Variants in SMYD3 observed in about 807,000 individuals in gnomAD.
The protein encoded by SMYD3 is histone-lysine N-methyltransferase SMYD3.
SMYD3 carries 36 observed loss-of-function variants against 57.7 expected under a neutral mutation model. The observed-to-expected ratio is 0.62, with a 90% CI of 0.48 to 0.82. SMYD3 has a LOEUF of 0.82. Ranked by LOEUF, SMYD3 falls within the 40% of genes least tolerant of loss-of-function variation. The probability of loss-of-function intolerance (pLI) is 0.00; values close to 1 mark genes in which losing one functional copy is unlikely to be tolerated. For synonymous variants in SMYD3, 211 were observed against 195.0 expected (o/e 1.08, Z -0.68); for missense variants, 515 against 538.8 (o/e 0.96, Z 0.44).
intron 1 of SMYD3, among the ~76,000 whole-genome samples, chr1:246,393,558 G>A (rs1436063205): frequency 6.6e-6 from 1 of 150,622 alleles, no homozygotes; most frequent in Non-Finnish European, 1.5e-5. Flanking sequence ...GCTAGGCATA[G>A]AATTGCCTAG....
intron 8 of SMYD3, among the ~76,000 whole-genome samples, chr1:245,867,884 G>A (rs10924368): frequency 0.56 from 84,457 of 152,118 alleles, 26,638 homozygotes; most frequent in Non-Finnish European, 0.73. Flanking sequence ...ACGCAGAAGC[G>A]TGCCTGAATG....
chr1:246,109,656 G>C (rs892271624), intron 5 of SMYD3: 16 of 152,134 alleles, frequency 1.1e-4, no homozygotes, highest in African/African-American at 3.1e-4. Context: ...CACATATCCA[G>C]CTCTCATGGA....
intron 5 of SMYD3, among the ~76,000 whole-genome samples, chr1:246,217,808 A>G (rs2063188225): frequency 6.6e-6 from 1 of 152,196 alleles, no homozygotes; most frequent in East Asian, 1.9e-4. Context: ...TAAATCCCAC[A>G]ATGTCAAATG....
In SMYD3 at chr1:245,788,367, T is replaced by G. The variant is rs559549349; in HGVS notation, c.1077-24218A>C. Reference sequence around the variant, plus strand: ...TACTTTCTGAGCTGCTGGAATAGACTACAAGCTTTGTGGTCTGCATTCCTC... The same window carrying G: ...TACTTTCTGAGCTGCTGGAATAGACGACAAGCTTTGTGGTCTGCATTCCTC... On this transcript the variant is annotated intron_variant, in intron 10 of 11. Coordinates refer to ENST00000490107, the MANE Select transcript of SMYD3 (RefSeq NM_001167740.2). 3.3e-5 allele frequency among the ~76,000 whole-genome samples: 5 copies of G among 152,356 alleles called. No homozygotes were observed. The East Asian group carries it at 9.6e-4, about 29-fold the overall frequency.
At chr1:246,402,246 C>T (rs2102970002) in intron 1 of SMYD3, among the ~76,000 whole-genome samples, 1 of 151,878 alleles carries the variant, frequency 6.6e-6, no homozygotes, top group Non-Finnish European at 1.5e-5. Context: ...TTTCTTCATC[C>T]TGATGAACAA....
intron 5 of SMYD3, among the ~76,000 whole-genome samples, chr1:245,946,706 C>T (rs1480160914): frequency 6.6e-6 from 1 of 152,196 alleles, no homozygotes; most frequent in Non-Finnish European, 1.5e-5. Context: ...GTGTTGTACA[C>T]TAGACCCATC....
rs535512819 is a variant in SMYD3 at position 246,081,704 on chromosome 1, AT to A, written c.532-151768del. Among the ~76,000 whole-genome samples the A allele has an allele frequency of 2.0e-3, 306 of 151,916 alleles. 3 individuals are homozygous for A. Among genetic ancestry groups the A allele is most frequent in the Middle Eastern group, 0.017 (5 of 294 alleles). On this transcript the variant is annotated intron_variant, in intron 5 of 11. Transcript: ENST00000490107. ...CCACTGCACCCAGCCCCTAGCTTCT[AT>A]TTTTTTTAATTACTAGTGTACCAGC...
chr1:246,429,389 C>T (rs1352572946), intron 1 of SMYD3, among the ~76,000 whole-genome samples: 1 of 152,178 alleles, frequency 6.6e-6, no homozygotes, highest in Non-Finnish European at 1.5e-5. Flanking sequence ...CAGTATAGCA[C>T]TGCCAAGTAT....
In SMYD3 at chr1:245,832,485, GTTT is replaced by G. The variant is rs10578766; in HGVS notation, c.1076+26008_1076+26010del. 1.5e-3 allele frequency among the ~76,000 whole-genome samples: 228 copies of G among 149,038 alleles called. 2 individuals carry two copies. Among genetic ancestry groups the G allele is most frequent in the Non-Finnish European group, 2.4e-3 (164 of 67,374 alleles). On this transcript the variant is annotated intron_variant, in intron 10 of 11. Coordinates refer to ENST00000490107, the MANE Select transcript of SMYD3 (RefSeq NM_001167740.2). Reference sequence around the variant, plus strand: ...TCCTCATCGATTTAATGTTTTTTTTGTTTTTTTTTTTTTGAGAGTTGAGGAGAA... The same window carrying G: ...TCCTCATCGATTTAATGTTTTTTTTGTTTTTTTTTTGAGAGTTGAGGAGAA...
At chr1:246,152,569 T>C (rs975086761) in intron 5 of SMYD3, among the ~76,000 whole-genome samples, 1 of 152,198 alleles carries the variant, frequency 6.6e-6, no homozygotes, top group African/African-American at 2.4e-5. Flanking sequence ...TGAGTGAAGA[T>C]TTTTCTCATT....
chr1:245,894,886 A>T (rs2053658515), intron 8 of SMYD3, among the ~76,000 whole-genome samples: 1 of 152,188 alleles, frequency 6.6e-6, no homozygotes, highest in African/African-American at 2.4e-5. Flanking sequence ...TCACGACACC[A>T]CAAATTGTGG....
intron 1 of SMYD3, among the ~76,000 whole-genome samples, chr1:246,377,310 G>C (rs946991455): frequency 2.0e-5 from 3 of 151,384 alleles, no homozygotes; most frequent in African/African-American, 2.4e-5. Context: ...CTGCAATGTA[G>C]CTTCTGGAAG....
chr1:246,048,623 A>G (rs2148318192), intron 5 of SMYD3, among the ~76,000 whole-genome samples: 1 of 152,336 alleles, frequency 6.6e-6, no homozygotes, highest in South Asian at 2.1e-4. Flanking sequence ...GAAGCCCGAC[A>G]GCCCATTCCA....
At chr1:245,914,290 A>G (rs1247081179) in intron 8 of SMYD3, among the ~76,000 whole-genome samples, 1 of 152,266 alleles carries the variant, frequency 6.6e-6, no homozygotes, top group Admixed American at 6.5e-5. Flanking sequence ...AAAGGATAGA[A>G]AATCAGTATA....
chr1:246,313,533 C>T (rs1478693914), intron 5 of SMYD3, among the ~76,000 whole-genome samples: 1 of 152,188 alleles, frequency 6.6e-6, no homozygotes, highest in Admixed American at 6.5e-5. Flanking sequence ...AACAGCTCTG[C>T]ATAAACAGTG....
At chr1:246,320,559 C>A (rs971254575) in intron 5 of SMYD3, among the ~76,000 whole-genome samples, 1 of 152,112 alleles carries the variant, frequency 6.6e-6, no homozygotes, top group African/African-American at 2.4e-5. Context: ...ATTCTTGTTG[C>A]CGCCAATCTA....
At chr1:246,147,743 T>A (rs1341027207) in intron 5 of SMYD3, among the ~76,000 whole-genome samples, 4 of 151,990 alleles carry the variant, frequency 2.6e-5, no homozygotes, top group Non-Finnish European at 5.9e-5. Flanking sequence ...AGGGTAGAGC[T>A]GCAGCCTCCC....
chr1:246,039,579 G>A (rs1572929247), intron 5 of SMYD3, among the ~76,000 whole-genome samples: 2 of 152,162 alleles, frequency 1.3e-5, no homozygotes, highest in South Asian at 4.1e-4. Flanking sequence ...GAGATTTCAT[G>A]TCTCCATTTA....
chr1:246,119,525 G>A (rs1285120146), intron 5 of SMYD3, among the ~76,000 whole-genome samples: 2 of 150,334 alleles, frequency 1.3e-5, no homozygotes, highest in African/African-American at 2.4e-5. Flanking sequence ...TGATTCTCCT[G>A]CCTCAGCCTC....
Sources: allele counts gnomAD v4.1 joint callset (sites outside exome capture counted in the v4.1 genomes callset), GRCh38; gene constraint gnomAD v4.1.1; transcripts MANE v1.5; gene names NCBI Gene and HGNC (gene_info 2026-07-23, HGNC 2026-07-21).